The following PARD6G variants were observed in gnomAD, a reference collection of about 807,000 sequenced individuals.
The protein encoded by PARD6G is par-6 family cell polarity regulator gamma, also known as partitioning defective 6 homolog gamma.
In PARD6G, 7 loss-of-function variants were observed where a neutral mutation model predicts 10.7. The observed-to-expected ratio is 0.66, with a 90% CI of 0.37 to 1.23. The LOEUF (loss-of-function observed/expected upper bound fraction) is 1.23, where lower values mean the gene tolerates loss of function less well. Among genes scored for constraint, PARD6G ranks in the 50% most tolerant of loss-of-function variants. PARD6G has a pLI of 0.02. For synonymous variants in PARD6G, 287 were observed against 269.4 expected (o/e 1.07, Z -0.64); for missense variants, 548 against 571.8 (o/e 0.96, Z 0.42).
At chr18:80,187,206 G>C (rs1229695022) in intron 2 of PARD6G, among the ~76,000 whole-genome samples, 1 of 152,202 alleles carries the variant, frequency 6.6e-6, no homozygotes, top group East Asian at 1.9e-4. Flanking sequence ...GCTCTAACCT[G>C]TTCTCTGGCC....
rs759600804 is a variant in PARD6G, at chr18:80,159,918, G to A, written c.984C>T (p.Gly328=). 1.1e-5 allele frequency: 16 copies of A among 1,513,902 alleles called. No homozygotes were observed. The East Asian group carries it at 2.6e-4, about 25-fold the overall frequency. 93.8% of individuals were successfully genotyped at this position (1,513,902 alleles called of 1,614,324 possible). A position where few individuals can be genotyped will look rare whatever the true frequency, so the allele number is the denominator to read the frequency against. The change falls in exon 3 of 3, where the codon GGC becomes GGT. Residue 328 remains glycine, a synonymous_variant. Coordinates refer to ENST00000353265, the MANE Select transcript of PARD6G (RefSeq NM_032510.4). ...APAGSLSRVN[G]AGLAQRLQRD... ...GCTGCAGCCGCTGCGCCAGGCCCGCGCCATTGACCCGGGAGAGGCTGCCTG... is the reference window on the plus strand; with the variant it reads ...GCTGCAGCCGCTGCGCCAGGCCCGCACCATTGACCCGGGAGAGGCTGCCTG...
chr18:80,214,391 G>A (rs898793122), intron 1 of PARD6G, among the ~76,000 whole-genome samples: 1 of 152,042 alleles, frequency 6.6e-6, no homozygotes, highest in Non-Finnish European at 1.5e-5. Context: ...GCATGAACCC[G>A]GGAGGCGGAC....
chr18:80,202,729 C>G lies in PARD6G; in HGVS notation c.276G>C (p.Arg92Ser). ...CAGTACCTCGTTTCTGGATGAAGAC[C>G]CTGAGCAGGGGATTTGCACTAGAAA... ...KAVSSANPLL[R>S]VFIQKREEAE... The change falls in exon 2 of 3, where the codon AGG (arginine) becomes AGC (serine). Residue 92 changes from arginine (R) to serine (S), a missense_variant. Coordinates refer to ENST00000353265, the MANE Select transcript of PARD6G (RefSeq NM_032510.4). 1 of 1,613,054 alleles carries G rather than the reference C, an allele frequency of 6.2e-7. No homozygotes were observed. The highest frequency in any genetic ancestry group is 8.5e-7 in the Non-Finnish European group (1 of 1,179,962).
At chr18:80,174,805 T>A in intron 2 of PARD6G, among the ~76,000 whole-genome samples, 1 of 152,002 alleles carries the variant, frequency 6.6e-6, no homozygotes, top group East Asian at 1.9e-4. Context: ...ATACAAAAAA[T>A]TAGCCGGGCT....
chr18:80,236,750 T>G (rs181573995), intron 1 of PARD6G, among the ~76,000 whole-genome samples: 4 of 152,270 alleles, frequency 2.6e-5, no homozygotes, highest in South Asian at 4.1e-4. Flanking sequence ...CATTCACAAT[T>G]GCTTCAAAGA....
intron 1 of PARD6G, among the ~76,000 whole-genome samples, chr18:80,236,923 C>T (rs894009763): frequency 2.0e-5 from 3 of 152,220 alleles, no homozygotes; most frequent in African/African-American, 7.2e-5. Flanking sequence ...GGCCATATTG[C>T]CCAAGGTAAT....
At chr18:80,217,737 G>A (rs1967184999) in intron 1 of PARD6G, among the ~76,000 whole-genome samples, 1 of 152,184 alleles carries the variant, frequency 6.6e-6, no homozygotes, top group Non-Finnish European at 1.5e-5. Flanking sequence ...AGGAGCCTAA[G>A]GAGATGTATT....
rs1431475639 is a variant in PARD6G at position 80,228,601 on chromosome 18, A to G, written c.72+18676T>C. Among the ~76,000 whole-genome samples, 1 of 150,878 alleles carries G rather than the reference A, an allele frequency of 6.6e-6. No homozygotes were observed. Among genetic ancestry groups the G allele is most frequent in the African/African-American group, 2.4e-5 (1 of 40,876 alleles). ...CCACAGACTGCATCTCCTAAGATGC[A>G]GCCCTGAAGCCCCACCCCCATCCAC... On this transcript the variant is annotated intron_variant, in intron 1 of 2. Coordinates refer to ENST00000353265, the MANE Select transcript of PARD6G (RefSeq NM_032510.4). The surrounding 1 kb of genome is among the most constrained non-coding windows in gnomAD (Gnocchi z 4.6).
At chr18:80,187,024 G>A (rs1212493025) in intron 2 of PARD6G, among the ~76,000 whole-genome samples, 4 of 152,072 alleles carry the variant, frequency 2.6e-5, no homozygotes, top group South Asian at 4.2e-4. Context: ...GCGTGAACCC[G>A]GGAGGTGGAG....
intron 2 of PARD6G, among the ~76,000 whole-genome samples, chr18:80,167,340 G>A (rs921205487): frequency 2.7e-4 from 40 of 147,828 alleles, no homozygotes; most frequent in African/African-American, 8.7e-4. Flanking sequence ...GCAGTGTTGC[G>A]TGTGGATGTG....
chr18:80,201,034 T>G lies in PARD6G; in HGVS notation c.295+1676A>C, dbSNP rs1378863699. Reference sequence around the variant, plus strand: ...ACACCATTGCTCACCCCACACCATGTGAGCAAATGCTGTGACCTGGGATGG... The same window carrying G: ...ACACCATTGCTCACCCCACACCATGGGAGCAAATGCTGTGACCTGGGATGG... On this transcript the variant is annotated intron_variant, in intron 2 of 2. Transcript: ENST00000353265. This position sits in a 1 kb window ranked among gnomAD's most constrained non-coding sequence, Gnocchi z 5.9. Among the ~76,000 whole-genome samples the G allele has an allele frequency of 6.6e-6, 1 of 152,190 alleles. No individual in the cohort carries two copies. The highest frequency in any genetic ancestry group is 1.5e-5 in the Non-Finnish European group (1 of 68,036).
At chr18:80,215,831 TAAAACAC>T (rs746130823) in intron 1 of PARD6G, among the ~76,000 whole-genome samples, 1 of 152,024 alleles carries the variant, frequency 6.6e-6, no homozygotes, top group Non-Finnish European at 1.5e-5. Flanking sequence ...CAAAATGGAT[TAAAACAC>T]AAAACACAAA....
chr18:80,188,766 TG>T lies in PARD6G; in HGVS notation c.295+13943del, dbSNP rs566059088. On this transcript the variant is annotated intron_variant, in intron 2 of 2. Transcript: ENST00000353265. This position sits in a 1 kb window ranked among gnomAD's most constrained non-coding sequence, Gnocchi z 5.4. ...CAGCTCTCGGCCAGTCACCCTGGCCTGGGATGGCCGGGGTACAGCAAGTGAC... is the reference window on the plus strand; with the variant it reads ...CAGCTCTCGGCCAGTCACCCTGGCCTGGATGGCCGGGGTACAGCAAGTGAC... Among the ~76,000 whole-genome samples, 14 of 152,256 alleles carry T rather than the reference TG, an allele frequency of 9.2e-5. No individual in the cohort carries two copies. In the East Asian group the frequency reaches 2.7e-3, roughly 29 times the overall value.
rs1333755491 is a variant in PARD6G at position 80,236,912 on chromosome 18, T to A, written c.72+10365A>T. On this transcript the variant is annotated intron_variant, in intron 1 of 2. Coordinates refer to ENST00000353265, the MANE Select transcript of PARD6G (RefSeq NM_032510.4). ...GTAGGAAGAATCAATATTGTGAAAA[T>A]GGCCATATTGCCCAAGGTAATTTAC... Among the ~76,000 whole-genome samples, 7 of 152,248 alleles carry A rather than the reference T, an allele frequency of 4.6e-5. No individual in the cohort carries two copies. The East Asian group carries it at 1.3e-3, about 29-fold the overall frequency.
intron 1 of PARD6G, among the ~76,000 whole-genome samples, chr18:80,222,639 G>A (rs776647636): frequency 2.4e-4 from 37 of 152,134 alleles, no homozygotes; most frequent in African/African-American, 8.2e-4. Context: ...CGAATTGAGA[G>A]TACAGAAAAA....
intron 1 of PARD6G, among the ~76,000 whole-genome samples, chr18:80,241,352 G>A (rs1410666155): frequency 1.3e-5 from 2 of 152,226 alleles, no homozygotes; most frequent in Non-Finnish European, 2.9e-5. Flanking sequence ...CGGCAGGTCA[G>A]TGAAGCACCC....
chr18:80,174,989 T>C (rs1223847082), intron 2 of PARD6G, among the ~76,000 whole-genome samples: 1 of 152,070 alleles, frequency 6.6e-6, no homozygotes, highest in East Asian at 1.9e-4. Flanking sequence ...AAAAACATGA[T>C]CTCTCATGCA....
At chr18:80,204,387 A>G (rs189606056) in intron 1 of PARD6G, among the ~76,000 whole-genome samples, 180 of 152,228 alleles carry the variant, frequency 1.2e-3, no homozygotes, top group Non-Finnish European at 2.2e-3. Context: ...CATTTTAACA[A>G]GTTCCTGAAA....
rs1029095144 is a variant in PARD6G, at chr18:80,188,071, G to C, written c.295+14639C>G. On this transcript the variant is annotated intron_variant, in intron 2 of 2. Transcript: ENST00000353265. This position sits in a 1 kb window ranked among gnomAD's most constrained non-coding sequence, Gnocchi z 5.4. ...TAAGTGGTGCGCGACCGTGCCCAAC[G>C]GGAGGTGTTACGTGGCGCGCGACCG... is the stretch of plus-strand genomic sequence containing the variant. The C allele has an allele frequency of 1.3e-5, 2 of 152,084 alleles. No individual in the cohort carries two copies. The highest frequency in any genetic ancestry group is 4.8e-5 in the African/African-American group (2 of 41,386). 9.4% of individuals were successfully genotyped at this position (152,084 alleles called of 1,614,324 possible). A position where few individuals can be genotyped will look rare whatever the true frequency, so the allele number is the denominator to read the frequency against.
Sources: allele counts gnomAD v4.1 joint callset (sites outside exome capture counted in the v4.1 genomes callset), GRCh38; gene constraint gnomAD v4.1.1; non-coding constraint Gnocchi (gnomAD v3.1); transcripts MANE v1.5; gene names NCBI Gene and HGNC (gene_info 2026-07-23, HGNC 2026-07-21).